Variants in NELFA observed in about 807,000 individuals in gnomAD.
NELFA encodes the protein negative elongation factor complex member A.
In NELFA, 35 loss-of-function variants were observed where a neutral mutation model predicts 51.8. That is an observed-to-expected ratio of 0.68 (90% CI 0.52 to 0.90). The LOEUF (loss-of-function observed/expected upper bound fraction) is 0.90, where lower values mean the gene tolerates loss of function less well. Among genes scored for constraint, NELFA ranks in the 40% least tolerant of loss-of-function variants. NELFA has a pLI of 0.00. For missense variants in NELFA, 658 were observed against 746.4 expected (o/e 0.88, Z 1.38); for synonymous variants, 417 against 338.4 (o/e 1.23, Z -2.55).
chr4:2,002,289 G>T (rs1728603719), intron 1 of NELFA, among the ~76,000 whole-genome samples: 1 of 152,188 alleles, frequency 6.6e-6, no homozygotes, highest in African/African-American at 2.4e-5. Flanking sequence ...TCAGTATCAT[G>T]AAAATGGCCA....
chr4:2,001,907 G>GAAA (rs34649516), intron 1 of NELFA, among the ~76,000 whole-genome samples: 2 of 121,082 alleles, frequency 1.7e-5, no homozygotes, highest in Non-Finnish European at 3.5e-5. Context: ...TGTCTCAAAA[G>GAAA]AAAAAAAAAA....
chr4:1,999,728 C>T (rs1000848247), intron 1 of NELFA, among the ~76,000 whole-genome samples: 3 of 152,078 alleles, frequency 2.0e-5, no homozygotes, highest in Admixed American at 6.6e-5. Flanking sequence ...ATTAGATCAA[C>T]GAGACAGAAA....
chr4:2,008,561 G>A (rs138751131), intron 1 of NELFA, among the ~76,000 whole-genome samples, 189 bp downstream of exon 1: 1 of 146,322 alleles, frequency 6.8e-6, no homozygotes, highest in East Asian at 2.1e-4. Flanking sequence ...GACCCAGGGG[G>A]AGGTGAGGAC....
At chr4:1,988,502 GC>G (rs1425628331) in intron 3 of NELFA, among the ~76,000 whole-genome samples, 4 of 152,234 alleles carry the variant, frequency 2.6e-5, no homozygotes, top group East Asian at 1.9e-4. Flanking sequence ...AGGGGGTGGG[GC>G]CCAAGGGGCC....
intron 2 of NELFA, among the ~76,000 whole-genome samples, chr4:1,990,763 A>G (rs1473972692): frequency 6.6e-6 from 1 of 152,230 alleles, no homozygotes; most frequent in East Asian, 1.9e-4. Context: ...ACAAGCATCA[A>G]GCATCCCATC....
intron 1 of NELFA, among the ~76,000 whole-genome samples, chr4:2,006,367 C>T (rs1050052324): frequency 6.6e-6 from 1 of 152,140 alleles, no homozygotes; most frequent in Non-Finnish European, 1.5e-5. Flanking sequence ...CAAGATAACC[C>T]AGGGAGTGTT....
chr4:2,004,891 T>C lies in NELFA; in HGVS notation c.210+3859A>G, dbSNP rs1728669554. 1.3e-5 allele frequency among the ~76,000 whole-genome samples: 2 copies of C among 150,602 alleles called. 1 individual carries two copies. Among genetic ancestry groups the C allele is most frequent in the South Asian group, 4.2e-4 (2 of 4,738 alleles). On this transcript the variant is annotated intron_variant, in intron 1 of 10. Transcript: ENST00000382882. ...CGCGATCTCAGCTCACTGCAAGCTC[T>C]GCCTCCTGGGTTCACGGCATTCTTC...
Position 1,989,590 on chromosome 4 carries a change from G to T in NELFA, c.544+118C>A. 2.6e-6 allele frequency: 3 copies of T among 1,147,594 alleles called. No individual in the cohort carries two copies. Among genetic ancestry groups the T allele is most frequent in the Non-Finnish European group, 3.7e-6 (3 of 814,424 alleles). 71.1% of individuals were successfully genotyped at this position (1,147,594 alleles called of 1,614,324 possible). A position where few individuals can be genotyped will look rare whatever the true frequency, so the allele number is the denominator to read the frequency against. Reference sequence around the variant, plus strand: ...TGCCCCAGCCTCCCAACAGGTGTGAGCCACCATGCCTGGCCCAGAACGCCA... The same window carrying T: ...TGCCCCAGCCTCCCAACAGGTGTGATCCACCATGCCTGGCCCAGAACGCCA... On this transcript the variant is annotated intron_variant, in intron 3 of 10. Transcript: ENST00000382882. This position sits in a 1 kb window ranked among gnomAD's most constrained non-coding sequence, Gnocchi z 4.8.
Position 1,986,088 on chromosome 4 carries a change from G to A in NELFA, c.835+26C>T, listed in dbSNP as rs574001743. ...AGGGCCCGCAGGGACCCCCATTGCC[G>A]CCGACACGCAGGCCCCAACCCCCAC... On this transcript the variant is annotated intron_variant, in intron 6 of 10. Coordinates refer to ENST00000382882, the MANE Select transcript of NELFA (RefSeq NM_005663.5). 70 of 1,548,360 alleles carry A rather than the reference G, an allele frequency of 4.5e-5. No homozygotes were observed. The South Asian group carries it at 5.5e-4, about 12-fold the overall frequency.
chr4:2,006,269 T>A (rs1422368940), intron 1 of NELFA, among the ~76,000 whole-genome samples: 1 of 152,202 alleles, frequency 6.6e-6, no homozygotes, highest in Non-Finnish European at 1.5e-5. Context: ...CACATCCATG[T>A]GGAAAATTAG....
chr4:1,989,993 G>A lies in NELFA; in HGVS notation c.383-124C>T. 9.1e-7 allele frequency: 1 copy of A among 1,104,834 alleles called. No individual in the cohort carries two copies. Among genetic ancestry groups the A allele is most frequent in the East Asian group, 2.4e-5 (1 of 40,846 alleles). The allele number at this position is 1,104,834 out of a possible 1,614,324, so 68.4% of individuals were successfully genotyped here. On this transcript the variant is annotated intron_variant, in intron 2 of 10. Transcript: ENST00000382882. This position sits in a 1 kb window ranked among gnomAD's most constrained non-coding sequence, Gnocchi z 4.8. Reference sequence around the variant, plus strand: ...GGGTTAGGTCATGGGAGCTTCGGCTGTCCCCTGAGGTCCTCGAGACTGACT... The same window carrying A: ...GGGTTAGGTCATGGGAGCTTCGGCTATCCCCTGAGGTCCTCGAGACTGACT...
chr4:1,997,703 ATGTT>A (rs1374191667), intron 1 of NELFA, among the ~76,000 whole-genome samples: 1 of 152,230 alleles, frequency 6.6e-6, no homozygotes, highest in Non-Finnish European at 1.5e-5. Flanking sequence ...ATTTCTCAAA[ATGTT>A]AAATATAGAA....
Position 1,989,895 on chromosome 4 carries a change from A to AG in NELFA, c.383-27dup. 1 of 1,604,176 alleles carries AG rather than the reference A, an allele frequency of 6.2e-7. No individual in the cohort carries two copies. Among genetic ancestry groups the AG allele is most frequent in the Non-Finnish European group, 8.5e-7 (1 of 1,174,806 alleles). ...CTGCCGGTAAGAACCACATGAAGTTAGGGGCGCCCAGGCCGCAGACCTCCC... is the reference window on the plus strand; with the variant it reads ...CTGCCGGTAAGAACCACATGAAGTTAGGGGGCGCCCAGGCCGCAGACCTCCC... On this transcript the variant is annotated intron_variant, in intron 2 of 10. Coordinates refer to ENST00000382882, the MANE Select transcript of NELFA (RefSeq NM_005663.5). This position sits in a 1 kb window ranked among gnomAD's most constrained non-coding sequence, Gnocchi z 4.8.
rs772391725 is a variant in NELFA at position 1,983,579 on chromosome 4, C to T, written c.1402+17G>A. The T allele has an allele frequency of 6.2e-6, 10 of 1,613,548 alleles. No individual in the cohort carries two copies. The Admixed American group carries it at 1.7e-4, about 27-fold the overall frequency. On this transcript the variant is annotated intron_variant, in intron 10 of 10. Transcript: ENST00000382882. Reference sequence around the variant, plus strand: ...ACCCGGCCCGGTGCACCCCCAGGCCCTGCCTTATGAACATACCTCGGGAGC... The same window carrying T: ...ACCCGGCCCGGTGCACCCCCAGGCCTTGCCTTATGAACATACCTCGGGAGC...
intron 2 of NELFA, chr4:1,990,370 C>T: frequency 2.2e-6 from 1 of 456,914 alleles, no homozygotes; most frequent in South Asian, 1.5e-5. Context: ...CAGAAACTGC[C>T]CCACGAGGGA....
chr4:2,008,443 G>A (rs1280981110), intron 1 of NELFA, among the ~76,000 whole-genome samples: 2 of 150,032 alleles, frequency 1.3e-5, no homozygotes, highest in Middle Eastern at 3.4e-3. Flanking sequence ...AGGGAGGTGA[G>A]GACCCTAGTG....
chr4:2,003,261 G>T (rs1030957401), intron 1 of NELFA, among the ~76,000 whole-genome samples: 2 of 152,146 alleles, frequency 1.3e-5, no homozygotes, highest in Non-Finnish European at 2.9e-5. Context: ...GAAATAGGAA[G>T]GCTTTTACAC....
chr4:1,986,393 T>C lies in NELFA; in HGVS notation c.644A>G (p.Lys215Arg), dbSNP rs1391775287. ...LRKMDTTTPLKGIPKQAPFRS... is the reference protein window; with the variant it reads ...LRKMDTTTPLRGIPKQAPFRS... ...GAAGGGCGCCTGCTTCGGGATGCCT[T>C]TGAGTGGGGCTGGAGGACGGCAACA... Residue 215 changes from lysine (K) to arginine (R), a missense_variant, in exon 5 of 11, where the codon AAA becomes AGA. Transcript: ENST00000382882. The C allele has an allele frequency of 3.7e-6, 6 of 1,612,302 alleles. No homozygotes were observed. The African/African-American group carries it at 6.7e-5, about 18-fold the overall frequency.
At chr4:2,007,179 C>T (rs1257720768) in intron 1 of NELFA, 7 of 413,780 alleles carry the variant, frequency 1.7e-5, no homozygotes, top group Non-Finnish European at 3.5e-5. Context: ...TGCACTCCAG[C>T]CTGGTTGACA....
Sources: allele counts gnomAD v4.1 joint callset (sites outside exome capture counted in the v4.1 genomes callset), GRCh38; gene constraint gnomAD v4.1.1; non-coding constraint Gnocchi (gnomAD v3.1); transcripts MANE v1.5; gene names NCBI Gene and HGNC (gene_info 2026-07-23, HGNC 2026-07-21).